The following CPA6 variants were observed in gnomAD, a reference collection of about 807,000 sequenced individuals.
The protein encoded by CPA6 is carboxypeptidase B.
Under a neutral mutation model 63.3 loss-of-function variants are expected in CPA6, and 58 were observed. The observed-to-expected ratio is 0.92, with a 90% CI of 0.74 to 1.14. CPA6 has a LOEUF of 1.14. Ranked by LOEUF, CPA6 falls within the 50% of genes most tolerant of loss-of-function variation. The pLI is 0.00. For missense variants in CPA6, 565 were observed against 526.6 expected (o/e 1.07, Z -0.71); for synonymous variants, 185 against 179.0 (o/e 1.03, Z -0.27).
intron 1 of CPA6, among the ~76,000 whole-genome samples, chr8:67,716,419 G>A (rs1817382915): frequency 6.6e-6 from 1 of 152,168 alleles, no homozygotes; most frequent in Non-Finnish European, 1.5e-5. Flanking sequence ...GGGACTTCCA[G>A]GTCAAAGGTA....
At chr8:67,498,464 A>G (rs1485263284) in intron 6 of CPA6, among the ~76,000 whole-genome samples, 2 of 145,038 alleles carry the variant, frequency 1.4e-5, no homozygotes, top group Non-Finnish European at 3.0e-5. Context: ...TGAACCTGGA[A>G]GGCAGAGGTT....
At chr8:67,525,898 G>A (rs915223338) in intron 2 of CPA6, among the ~76,000 whole-genome samples, 23 of 152,340 alleles carry the variant, frequency 1.5e-4, no homozygotes, top group African/African-American at 4.3e-4. Flanking sequence ...GGTGAGGCAT[G>A]AGAAATTACT....
At chr8:67,717,299 AAG>A (rs1817402390) in intron 1 of CPA6, among the ~76,000 whole-genome samples, 2 of 152,198 alleles carry the variant, frequency 1.3e-5, no homozygotes, top group African/African-American at 4.8e-5. Context: ...GGAGGGAAGG[AAG>A]AGAGAGCTGG....
chr8:67,495,863 C>T (rs1811700094), intron 6 of CPA6, among the ~76,000 whole-genome samples: 1 of 152,000 alleles, frequency 6.6e-6, no homozygotes, highest in South Asian at 2.1e-4. Flanking sequence ...AGTGTCTTCT[C>T]ATTTTACTTC....
intron 2 of CPA6, among the ~76,000 whole-genome samples, chr8:67,541,598 C>A (rs913481683): frequency 6.6e-6 from 1 of 152,170 alleles, no homozygotes; most frequent in African/African-American, 2.4e-5. Context: ...ACAGGAATTG[C>A]TCACTCAGGG....
Position 67,515,268 on chromosome 8 carries a change from C to T in CPA6, c.317+2655G>A, listed in dbSNP as rs572779330. Among the ~76,000 whole-genome samples the T allele has an allele frequency of 1.1e-4, 17 of 152,304 alleles. No homozygotes were observed. The South Asian group carries it at 3.5e-3, about 32-fold the overall frequency. On this transcript the variant is annotated intron_variant, in intron 3 of 10. Transcript: ENST00000297770. ...CACTCCCTCCTTCTCTATCTCATCT[C>T]ATTAAGTCACCACACTGCACTTCTC...
intron 2 of CPA6, among the ~76,000 whole-genome samples, chr8:67,611,065 T>C (rs1814793905): frequency 6.7e-6 from 1 of 148,632 alleles, no homozygotes; most frequent in Non-Finnish European, 1.5e-5. Flanking sequence ...ACATCTACCA[T>C]GGCCATGGCC....
At chr8:67,592,164 G>A (rs1330458019) in intron 2 of CPA6, among the ~76,000 whole-genome samples, 2 of 152,076 alleles carry the variant, frequency 1.3e-5, no homozygotes, top group African/African-American at 4.8e-5. Flanking sequence ...TTTGTCTTTG[G>A]TTCTGTTTAT....
chr8:67,619,027 C>A (rs1213676489), intron 2 of CPA6, among the ~76,000 whole-genome samples: 1 of 151,890 alleles, frequency 6.6e-6, no homozygotes, highest in Non-Finnish European at 1.5e-5. Context: ...GGAAAGTAAC[C>A]AGCTTTGTAA....
At chr8:67,728,288 T>C (rs758054166) in intron 1 of CPA6, among the ~76,000 whole-genome samples, 1 of 152,168 alleles carries the variant, frequency 6.6e-6, no homozygotes, top group Non-Finnish European at 1.5e-5. Context: ...CTAAACCTCA[T>C]TGGGGAATTG....
At chr8:67,472,799 T>C (rs556767170) in intron 8 of CPA6, among the ~76,000 whole-genome samples, 14 of 152,342 alleles carry the variant, frequency 9.2e-5, no homozygotes, top group Non-Finnish European at 2.9e-5. Context: ...ATTCATGATG[T>C]TGCAATAGAT....
chr8:67,445,526 T>C (rs1810392172), intron 8 of CPA6, among the ~76,000 whole-genome samples: 1 of 152,198 alleles, frequency 6.6e-6, no homozygotes, highest in Middle Eastern at 3.2e-3. Context: ...CATACCAAAA[T>C]AATATTTAAA....
intron 1 of CPA6, among the ~76,000 whole-genome samples, chr8:67,641,758 T>A (rs1175090936): frequency 6.6e-6 from 1 of 151,752 alleles, no homozygotes; most frequent in Non-Finnish European, 1.5e-5. Context: ...CTAGTGGAAC[T>A]GGAAAGAAGG....
chr8:67,465,763 TTTGTA>T (rs1423993742), intron 8 of CPA6, among the ~76,000 whole-genome samples: 1 of 152,216 alleles, frequency 6.6e-6, no homozygotes. Context: ...CATTTATTGA[TTTGTA>T]TATGTTAAAC....
At chr8:67,563,457 T>A (rs891745963) in intron 2 of CPA6, among the ~76,000 whole-genome samples, 3 of 152,118 alleles carry the variant, frequency 2.0e-5, no homozygotes, top group Admixed American at 6.6e-5. Flanking sequence ...AATATCACCT[T>A]TTTTTCTAAA....
At chr8:67,667,704 GA>G (rs1816261204) in intron 1 of CPA6, among the ~76,000 whole-genome samples, 1 of 152,182 alleles carries the variant, frequency 6.6e-6, no homozygotes, top group Non-Finnish European at 1.5e-5. Context: ...CTTTCAGTAT[GA>G]GAATCTGAAA....
chr8:67,499,792 G>A (rs957464183), intron 6 of CPA6, among the ~76,000 whole-genome samples: 2 of 152,244 alleles, frequency 1.3e-5, no homozygotes, highest in Non-Finnish European at 2.9e-5. Context: ...ATAATTCTCT[G>A]GAGATTCATC....
chr8:67,435,770 C>A (rs898022306), intron 8 of CPA6, among the ~76,000 whole-genome samples: 7 of 152,032 alleles, frequency 4.6e-5, no homozygotes, highest in Non-Finnish European at 8.8e-5. Context: ...TTGCACCCTC[C>A]CCACCTCACC....
chr8:67,450,823 C>A (rs191151056), intron 8 of CPA6, among the ~76,000 whole-genome samples: 7 of 152,282 alleles, frequency 4.6e-5, no homozygotes, highest in Non-Finnish European at 7.4e-5. Context: ...TTATAACATC[C>A]CATACTAGCT....
Sources: allele counts gnomAD v4.1 joint callset (sites outside exome capture counted in the v4.1 genomes callset), GRCh38; gene constraint gnomAD v4.1.1; transcripts MANE v1.5; gene names NCBI Gene and HGNC (gene_info 2026-07-23, HGNC 2026-07-21).